CEP128: variants seen among roughly 807,000 people sequenced by gnomAD.
CEP128 encodes centrosomal protein 128kDa.
A neutral mutation model predicts 156.7 loss-of-function variants in CEP128; 132 were observed. The observed-to-expected ratio is 0.84, with a 90% confidence interval of 0.73 to 0.97. CEP128 has a LOEUF of 0.97. Among genes scored for constraint, CEP128 ranks in the 50% least tolerant of loss-of-function variants. The probability of loss-of-function intolerance (pLI) is 0.00; values close to 1 mark genes in which losing one functional copy is unlikely to be tolerated. For synonymous variants in CEP128, 469 were observed against 448.9 expected (o/e 1.04, Z -0.57); for missense variants, 1,252 against 1,281.9 (o/e 0.98, Z 0.36).
intron 18 of CEP128, among the ~76,000 whole-genome samples, chr14:80,747,442 T>A (rs1388706631): frequency 6.6e-6 from 1 of 152,148 alleles, no homozygotes; most frequent in Non-Finnish European, 1.5e-5. Flanking sequence ...AATGGATGTA[T>A]CATAATTTGG....
At chr14:80,952,507 T>C (rs1886488502) in intron 2 of CEP128, among the ~76,000 whole-genome samples, 1 of 152,006 alleles carries the variant, frequency 6.6e-6, no homozygotes, top group Admixed American at 6.6e-5. Flanking sequence ...TAAAGTAGTA[T>C]AGGGAAAGTC....
chr14:80,840,842 T>C (rs1404445996), intron 9 of CEP128, 74 bp from the exon 10 acceptor site: 2 of 899,274 alleles, frequency 2.2e-6, no homozygotes, highest in South Asian at 1.4e-5. Context: ...GAATTTATTA[T>C]GTATTAGGGC....
chr14:80,737,564 G>A (rs327456), intron 19 of CEP128, among the ~76,000 whole-genome samples: 50,786 of 151,866 alleles, frequency 0.33, 9,026 homozygotes, highest in South Asian at 0.5. Flanking sequence ...TTGAACTTCT[G>A]AACAAGCTGG....
chr14:80,785,352 AGGG>A lies in CEP128; in HGVS notation c.1751_1753del (p.Ser584del). ...GCTCTCCAGTCTATGGATGGTATCC[AGGG>A]AATTCTTAACTTCCAATTCAAGGTC... On this transcript the variant is annotated inframe_deletion, in exon 15 of 25. Transcript: ENST00000555265. The A allele has an allele frequency of 6.2e-7, 1 of 1,614,156 alleles. No individual in the cohort carries two copies. Among genetic ancestry groups the A allele is most frequent in the Non-Finnish European group, 8.5e-7 (1 of 1,180,002 alleles).
chr14:80,862,457 T>C (rs1446218319), intron 9 of CEP128, among the ~76,000 whole-genome samples: 2 of 152,234 alleles, frequency 1.3e-5, no homozygotes, highest in Non-Finnish European at 2.9e-5. Flanking sequence ...AAGAGCTGTA[T>C]TGGCATTAAT....
intron 19 of CEP128, among the ~76,000 whole-genome samples, chr14:80,587,699 G>A (rs1891877411): frequency 6.6e-6 from 1 of 152,136 alleles, no homozygotes; most frequent in Non-Finnish European, 1.5e-5. Flanking sequence ...AGCAGAGAAA[G>A]TAAGAACATA....
At chr14:80,859,654 G>T (rs1336356247) in intron 9 of CEP128, among the ~76,000 whole-genome samples, 1 of 152,104 alleles carries the variant, frequency 6.6e-6, no homozygotes, top group East Asian at 1.9e-4. Context: ...GGATTCCTGG[G>T]CGTGCATGGC....
At chr14:80,545,756 G>A (rs1206343352) in intron 21 of CEP128, among the ~76,000 whole-genome samples, 1 of 152,152 alleles carries the variant, frequency 6.6e-6, no homozygotes, top group Non-Finnish European at 1.5e-5. Flanking sequence ...GTGTTAATGA[G>A]TAGGACAAAA....
At chr14:80,818,822 T>C (rs989104353) in intron 13 of CEP128, among the ~76,000 whole-genome samples, 2 of 152,264 alleles carry the variant, frequency 1.3e-5, no homozygotes, top group African/African-American at 4.8e-5. Flanking sequence ...TTTCAGATTT[T>C]CAACCAGAAA....
At chr14:80,933,668 T>C (rs1885616339) in intron 2 of CEP128, among the ~76,000 whole-genome samples, 1 of 152,094 alleles carries the variant, frequency 6.6e-6, no homozygotes, top group Non-Finnish European at 1.5e-5. Flanking sequence ...GTCTCATCTG[T>C]TTAGGGGCAA....
rs369868451 is a variant in CEP128 at position 80,852,341 on chromosome 14, A to G, written c.762+10416T>C. ...TTTGAGTTATAGAGAAAATTGTAACAAATTATAAAAGATTTTGAAAAAAAA... is the reference window on the plus strand; with the variant it reads ...TTTGAGTTATAGAGAAAATTGTAACGAATTATAAAAGATTTTGAAAAAAAA... On this transcript the variant is annotated intron_variant, in intron 9 of 24. Transcript: ENST00000555265. Among the ~76,000 whole-genome samples, 12 of 152,080 alleles carry G rather than the reference A, an allele frequency of 7.9e-5. 1 individual carries two copies. The East Asian group carries it at 1.5e-3, about 20-fold the overall frequency.
chr14:80,952,607 G>A (rs1886490372), intron 2 of CEP128, among the ~76,000 whole-genome samples: 1 of 151,572 alleles, frequency 6.6e-6, no homozygotes, highest in Non-Finnish European at 1.5e-5. Context: ...AAGAAGTAAA[G>A]AAGAGCCAAT....
chr14:80,796,330 C>T (rs1287257956), intron 13 of CEP128, among the ~76,000 whole-genome samples: 8 of 152,240 alleles, frequency 5.3e-5, no homozygotes, highest in Non-Finnish European at 1.0e-4. Context: ...TATGGTGGCA[C>T]ACGCCTGTAA....
intron 4 of CEP128, 123 bp from the exon 5 acceptor site, chr14:80,906,204 G>A (rs1595572452): frequency 3.4e-6 from 2 of 587,538 alleles, no homozygotes; most frequent in Non-Finnish European, 5.3e-6. Flanking sequence ...AAAGGTATCA[G>A]AAAATTTTAA....
intron 21 of CEP128, among the ~76,000 whole-genome samples, chr14:80,558,440 C>T (rs1890529611): frequency 6.6e-6 from 1 of 152,144 alleles, no homozygotes; most frequent in African/African-American, 2.4e-5. Flanking sequence ...AGGCTCTCAC[C>T]ACCACACCCG....
intron 14 of CEP128, among the ~76,000 whole-genome samples, chr14:80,485,347 A>G (rs1358742147): frequency 6.7e-6 from 1 of 149,220 alleles, no homozygotes; most frequent in Non-Finnish European, 1.5e-5. Flanking sequence ...ATTTGATATT[A>G]TCTCAATATA....
intron 8 of CEP128, among the ~76,000 whole-genome samples, chr14:80,875,626 G>T (rs1888243984): frequency 6.6e-6 from 1 of 152,172 alleles, no homozygotes; most frequent in Non-Finnish European, 1.5e-5. Flanking sequence ...TTCTAGTACT[G>T]AAACTTGCAA....
intron 19 of CEP128, among the ~76,000 whole-genome samples, chr14:80,658,256 A>C (rs1895258426): frequency 1.3e-5 from 2 of 152,232 alleles, no homozygotes; most frequent in South Asian, 4.1e-4. Context: ...AGAAAATGAT[A>C]GGGAGAGGAA....
In CEP128 at chr14:80,734,855, A is replaced by C. The variant is rs1314591030; in HGVS notation, c.2806+8220T>G. ...TATCAAGACCCCATCTCAAAAAAAA[A>C]AAAAAAAAAAAAAAGGAAAAACAGT... On this transcript the variant is annotated intron_variant, in intron 19 of 24. Coordinates refer to ENST00000555265, the MANE Select transcript of CEP128 (RefSeq NM_152446.5). 3.3e-5 allele frequency among the ~76,000 whole-genome samples: 5 copies of C among 150,350 alleles called. No homozygotes were observed. In the South Asian group the frequency reaches 6.2e-4, roughly 19 times the overall value.
Sources: gnomAD v4.1 joint callset for allele counts (sites outside exome capture counted in the v4.1 genomes callset) on GRCh38, gnomAD v4.1.1 for gene constraint, MANE v1.5 for transcripts, NCBI Gene and HGNC (gene_info 2026-07-23, HGNC 2026-07-21) for gene names.